Variants in AGO2 observed in about 807,000 individuals in gnomAD.
The protein encoded by AGO2 is protein argonaute-2.
A neutral mutation model predicts 102.3 loss-of-function variants in AGO2; 5 were observed. That is an observed-to-expected ratio of 0.05 (90% confidence interval 0.03 to 0.10). The LOEUF (loss-of-function observed/expected upper bound fraction) is 0.10. AGO2 is among the 10% of genes least tolerant of loss of function. AGO2 has a pLI of 1.00. For synonymous variants in AGO2, 449 were observed against 473.1 expected, an observed-to-expected ratio of 0.95 and a Z score of 0.66; for missense variants, 541 against 1,183.7, an observed-to-expected ratio of 0.46 and a Z score of 7.97.
In AGO2 at chr8:140,554,545, A is replaced by C. The variant is rs529095171; in HGVS notation, c.1269+1351T>G. 9.8e-5 allele frequency among the ~76,000 whole-genome samples: 15 copies of C among 152,302 alleles called. No individual in the cohort carries two copies. The South Asian group carries it at 3.1e-3, about 32-fold the overall frequency. ...CTATTATTTTCACAAAAAGGGGTGA[A>C]TCATCCCTGGGTGATTTTACAAAGG... On this transcript the variant is annotated intron_variant, in intron 10 of 18. Coordinates refer to ENST00000220592, the MANE Select transcript of AGO2 (RefSeq NM_012154.5).
rs1256440734 is a variant in AGO2 at position 140,540,087 on chromosome 8, AAAAAAAACAAAC to A, written c.2035-645_2035-634del. 2.6e-5 allele frequency among the ~76,000 whole-genome samples: 4 copies of A among 151,846 alleles called. No individual in the cohort carries two copies. Among genetic ancestry groups the A allele is most frequent in the Non-Finnish European group, 5.9e-5 (4 of 67,936 alleles). The stretch of plus-strand genomic sequence containing the variant: ...ACTGGAGACAGCGAGAGTCTTTCTC[AAAAAAAACAAAC>A]AAAAAAACAAAACAAAAAACACACA... On this transcript the variant is annotated intron_variant, in intron 15 of 18. Transcript: ENST00000220592. This position sits in a 1 kb window ranked among gnomAD's most constrained non-coding sequence, Gnocchi z 5.0.
intron 1 of AGO2, among the ~76,000 whole-genome samples, chr8:140,608,327 C>T (rs1042263490): frequency 1.3e-5 from 2 of 152,228 alleles, no homozygotes; most frequent in Admixed American, 6.5e-5. Flanking sequence ...GCTCTGGCAG[C>T]GCAGTGGCCA....
chr8:140,569,365 G>C (rs780220121), intron 3 of AGO2, among the ~76,000 whole-genome samples: 1 of 152,218 alleles, frequency 6.6e-6, no homozygotes, highest in Non-Finnish European at 1.5e-5. Context: ...TGTCAACCCA[G>C]ACGCTCAATT....
chr8:140,634,960 C>T (rs2074386525), intron 1 of AGO2, among the ~76,000 whole-genome samples: 1 of 151,974 alleles, frequency 6.6e-6, no homozygotes. Context: ...GGGACCGGCG[C>T]AGCCCCCTCC....
At chr8:140,638,926 C>T (rs1405750405), upstream of AGO2, among the ~76,000 whole-genome samples, 1 of 152,058 alleles carries the variant, frequency 6.6e-6, no homozygotes, top group African/African-American at 2.4e-5. Context: ...CTCTATTGCC[C>T]ATGCTGGAGT....
At chr8:140,625,369 G>C (rs2074263222) in intron 1 of AGO2, among the ~76,000 whole-genome samples, 1 of 152,114 alleles carries the variant, frequency 6.6e-6, no homozygotes, top group African/African-American at 2.4e-5. Context: ...GCCTCCCGAA[G>C]TGCTGGGATT....
intron 3 of AGO2, among the ~76,000 whole-genome samples, chr8:140,566,514 C>G (rs2073286515): frequency 6.6e-6 from 1 of 151,852 alleles, no homozygotes; most frequent in South Asian, 2.1e-4. Context: ...AAGTCACACA[C>G]AAGTAACAGT....
intron 1 of AGO2, among the ~76,000 whole-genome samples, chr8:140,614,016 A>AG (rs1564117210): frequency 8.1e-5 from 1 of 12,406 alleles, no homozygotes; most frequent in Non-Finnish European, 1.9e-4. Flanking sequence ...ACCCTGTCTC[A>AG]AAAAAAAAAA....
At chr8:140,588,624 A>AAAGGAGGAAGGG (rs1312413373) in intron 1 of AGO2, among the ~76,000 whole-genome samples, 1 of 124,058 alleles carries the variant, frequency 8.1e-6, no homozygotes, top group African/African-American at 3.2e-5. Context: ...GGGAGGGAGG[A>AAAGGAGGAAGGG]AAGGAGGAAG....
chr8:140,561,578 G>C (rs1235983731), intron 4 of AGO2, among the ~76,000 whole-genome samples: 2 of 152,184 alleles, frequency 1.3e-5, no homozygotes, highest in African/African-American at 2.4e-5. Context: ...TTACACGTGG[G>C]GGAAGGTGTG....
chr8:140,540,937 G>T lies in AGO2; in HGVS notation c.2034+227C>A, dbSNP rs917101852. Among the ~76,000 whole-genome samples the T allele has an allele frequency of 7.0e-6, 1 of 143,586 alleles. No individual in the cohort carries two copies. Among genetic ancestry groups the T allele is most frequent in the Non-Finnish European group, 1.5e-5 (1 of 65,640 alleles). 94.2% of individuals were successfully genotyped at this position (143,586 alleles called of 152,430 possible). On this transcript the variant is annotated intron_variant, in intron 15 of 18. Coordinates refer to ENST00000220592, the MANE Select transcript of AGO2 (RefSeq NM_012154.5). The surrounding 1 kb of genome is among the most constrained non-coding windows in gnomAD (Gnocchi z 5.0). ...TCTCTTGGTCCCCAGGCCCATACCC[G>T]CCCCTCCTCCCCTCCCTCTGTCCTG...
At chr8:140,616,091 T>G (rs897116594) in intron 1 of AGO2, among the ~76,000 whole-genome samples, 2 of 152,206 alleles carry the variant, frequency 1.3e-5, no homozygotes, top group African/African-American at 4.8e-5. Context: ...TTCCACATTC[T>G]TGTACAAGAA....
At chr8:140,551,271 C>T in intron 11 of AGO2, 32 bp downstream of exon 11, 1 of 1,475,912 alleles carries the variant, frequency 6.8e-7, no homozygotes. Context: ...GCAGCACCCC[C>T]AGGCCGGAGC....
chr8:140,537,623 TTCA>T (rs1214197468), intron 16 of AGO2, among the ~76,000 whole-genome samples: 11 of 151,954 alleles, frequency 7.2e-5, no homozygotes, highest in African/African-American at 2.7e-4. Flanking sequence ...TCCTTAGTTT[TTCA>T]TTTTTGTCTG....
intron 2 of AGO2, among the ~76,000 whole-genome samples, chr8:140,581,370 C>T (rs1410817246): frequency 1.6e-4 from 24 of 152,128 alleles, no homozygotes; most frequent in African/African-American, 5.3e-4. Context: ...CAAAATTAGC[C>T]GGGTGTGGTG....
intron 1 of AGO2, among the ~76,000 whole-genome samples, chr8:140,612,127 G>A (rs915270446): frequency 6.7e-6 from 1 of 150,374 alleles, no homozygotes; most frequent in Non-Finnish European, 1.5e-5. Flanking sequence ...GGAGGCTGAG[G>A]CAGGAGAATC....
chr8:140,535,514 T>A lies in AGO2; in HGVS notation c.2225A>T (p.His742Leu). The A allele has an allele frequency of 6.2e-7, 1 of 1,613,688 alleles. No homozygotes were observed. Among genetic ancestry groups the A allele is most frequent in the Non-Finnish European group, 8.5e-7 (1 of 1,179,932 alleles). The change falls in exon 17 of 19, where the codon CAC (histidine) becomes CTC (leucine). Residue 742 changes from histidine (H) to leucine (L), a missense_variant. By Grantham distance (99) the His-to-Leu change is moderately conservative (BLOSUM62 -3). Coordinates refer to ENST00000220592, the MANE Select transcript of AGO2 (RefSeq NM_012154.5). ...AGTTVDTKIT[H>L]PTEFDFYLCS... The stretch of plus-strand genomic sequence containing the variant: ...CAGGTAGAAGTCGAACTCGGTGGGG[T>A]GGGTGATTTTCGTGTCCACAGTCGT...
At chr8:140,621,964 A>G (rs1275145281) in intron 1 of AGO2, among the ~76,000 whole-genome samples, 1 of 152,208 alleles carries the variant, frequency 6.6e-6, no homozygotes, top group African/African-American at 2.4e-5. Context: ...AAACTTGTAC[A>G]CAAATGCTCA....
At chr8:140,620,463 C>G (rs1251796479) in intron 1 of AGO2, among the ~76,000 whole-genome samples, 1 of 152,144 alleles carries the variant, frequency 6.6e-6, no homozygotes, top group African/African-American at 2.4e-5. Flanking sequence ...ATGGAGGGTG[C>G]GGAGCAGGAG....
Sources: allele counts gnomAD v4.1 joint callset (sites outside exome capture counted in the v4.1 genomes callset), GRCh38; gene constraint gnomAD v4.1.1; non-coding constraint Gnocchi (gnomAD v3.1); transcripts MANE v1.5; gene names NCBI Gene and HGNC (gene_info 2026-07-23, HGNC 2026-07-21).